CCDC7: variants seen among roughly 807,000 people sequenced by gnomAD.
CCDC7 encodes coiled-coil domain-containing protein 7.
Under a neutral mutation model 196.9 loss-of-function variants are expected in CCDC7, and 183 were observed. The ratio of observed to expected loss-of-function variants is 0.93; its 90% CI spans 0.82 to 1.05. The LOEUF (loss-of-function observed/expected upper bound fraction) is 1.05, where lower values mean the gene tolerates loss of function less well. Among genes scored for constraint, CCDC7 ranks in the 50% least tolerant of loss-of-function variants. The pLI, the probability that CCDC7 is intolerant of heterozygous loss-of-function variation, is 0.00. For missense variants in CCDC7, 1,540 were observed against 1,482.2 expected (o/e 1.04, Z -0.64); for synonymous variants, 525 against 484.6 (o/e 1.08, Z -1.10).
At chr10:32,455,517 A>G (rs990770056) in intron 2 of CCDC7, among the ~76,000 whole-genome samples, 3 of 152,116 alleles carry the variant, frequency 2.0e-5, no homozygotes, top group African/African-American at 7.2e-5. Context: ...GGATTTTGCC[A>G]TGCTGGCCAG....
intron 9 of CCDC7, among the ~76,000 whole-genome samples, chr10:32,516,420 T>C (rs985278170): frequency 6.6e-6 from 1 of 152,116 alleles, no homozygotes; most frequent in African/African-American, 2.4e-5. Flanking sequence ...CCCAAGTTGC[T>C]GGGACTACAG....
At chr10:32,559,399 A>G (rs1171797079) in intron 13 of CCDC7, among the ~76,000 whole-genome samples, 4 of 152,240 alleles carry the variant, frequency 2.6e-5, no homozygotes, top group Non-Finnish European at 4.4e-5. Context: ...CTGACCCCAG[A>G]GCAGCCTAAC....
chr10:32,490,197 G>C (rs562870725), intron 8 of CCDC7, among the ~76,000 whole-genome samples: 1 of 152,192 alleles, frequency 6.6e-6, no homozygotes, highest in East Asian at 1.9e-4. Context: ...TTACTATCTT[G>C]CTGCAACTTC....
intron 13 of CCDC7, among the ~76,000 whole-genome samples, chr10:32,560,651 T>G (rs1356751558): frequency 6.6e-6 from 1 of 152,214 alleles, no homozygotes; most frequent in Non-Finnish European, 1.5e-5. Context: ...AGGCCTGCCC[T>G]AAAAGAGCTC....
rs1014380619 is a variant in CCDC7 at position 32,785,986 on chromosome 10, C to G, written c.3013+6902C>G. ...ACAAGACATTAAACTTTCAACTCAG[C>G]CTTATTTCTGGGCTCAATGCAAGCC... On this transcript the variant is annotated intron_variant, in intron 29 of 41. Coordinates refer to ENST00000639629, the Ensembl canonical transcript of CCDC7. Among the ~76,000 whole-genome samples the G allele has an allele frequency of 2.2e-4, 33 of 152,238 alleles. No individual in the cohort carries two copies. The East Asian group carries it at 6.4e-3, about 29-fold the overall frequency.
At chr10:32,634,848 T>G (rs1412162708) in intron 19 of CCDC7, among the ~76,000 whole-genome samples, 6 of 152,244 alleles carry the variant, frequency 3.9e-5, no homozygotes, top group Non-Finnish European at 8.8e-5. Flanking sequence ...TACCTTTTGA[T>G]TGGTATTTGC....
chr10:32,790,574 A>C (rs1257166812), intron 29 of CCDC7, among the ~76,000 whole-genome samples: 2 of 151,932 alleles, frequency 1.3e-5, no homozygotes, highest in African/African-American at 4.8e-5. Context: ...ACTCTGGGTT[A>C]CCTCCTCTCT....
At chr10:32,710,771 G>T (rs2080690576) in intron 24 of CCDC7, among the ~76,000 whole-genome samples, 1 of 152,178 alleles carries the variant, frequency 6.6e-6, no homozygotes, top group Non-Finnish European at 1.5e-5. Context: ...AAGGCATTGT[G>T]CTTAATTGAC....
At chr10:32,479,992 G>A (rs867230026) in intron 8 of CCDC7, among the ~76,000 whole-genome samples, 2 of 151,946 alleles carry the variant, frequency 1.3e-5, no homozygotes, top group Non-Finnish European at 1.5e-5. Context: ...ATTTGTGGGT[G>A]TATAAATGTT....
intron 31 of CCDC7, among the ~76,000 whole-genome samples, chr10:32,818,926 A>G (rs543507803): frequency 1.3e-5 from 2 of 152,322 alleles, no homozygotes; most frequent in African/African-American, 2.4e-5. Context: ...GAGCAAACAC[A>G]TTGAAAAGCT....
intron 28 of CCDC7, among the ~76,000 whole-genome samples, chr10:32,752,757 C>A (rs964107886): frequency 3.3e-5 from 5 of 151,894 alleles, no homozygotes; most frequent in African/African-American, 1.2e-4. Context: ...ATATCTGTAC[C>A]CATAAGATTT....
At position 32,722,913 on chromosome 10, in the gene CCDC7, G is replaced by A. The variant is rs145039044; in HGVS notation, c.2570-3821G>A. Reference sequence around the variant, plus strand: ...ACTTTTACCTTGTTATATGACCACCGTTCTTCATAGGCACATAGGGACCTT... The same window carrying A: ...ACTTTTACCTTGTTATATGACCACCATTCTTCATAGGCACATAGGGACCTT... On this transcript the variant is annotated intron_variant, in intron 25 of 41. Coordinates refer to ENST00000639629, the Ensembl canonical transcript of CCDC7. Among the ~76,000 whole-genome samples the A allele has an allele frequency of 8.8e-3, 1,341 of 152,152 alleles. 15 individuals carry two copies. The highest frequency in any genetic ancestry group is 0.029 in the African/African-American group (1,220 of 41,504).
chr10:32,756,824 A>G (rs534735915), intron 28 of CCDC7, among the ~76,000 whole-genome samples: 2 of 152,218 alleles, frequency 1.3e-5, no homozygotes, highest in Non-Finnish European at 2.9e-5. Context: ...GATAGAGTCA[A>G]GATCCATCAG....
chr10:32,668,470 A>C (rs1178761408), intron 21 of CCDC7, among the ~76,000 whole-genome samples: 1 of 151,954 alleles, frequency 6.6e-6, no homozygotes, highest in Non-Finnish European at 1.5e-5. Context: ...GAATGCTTCC[A>C]GTTTTTGCCC....
chr10:32,875,288 T>C (rs1359395700), intron 41 of CCDC7, among the ~76,000 whole-genome samples: 1 of 152,072 alleles, frequency 6.6e-6, no homozygotes, highest in Non-Finnish European at 1.5e-5. Flanking sequence ...AAGTCTTTAA[T>C]CCATCTTGAG....
intron 18 of CCDC7, among the ~76,000 whole-genome samples, chr10:32,584,752 CAAAAAAAAAAA>C (rs749922864): frequency 1.8e-5 from 1 of 56,334 alleles, no homozygotes; most frequent in South Asian, 9.1e-4. Context: ...CACTTCATCT[CAAAAAAAAAAA>C]AAAAAAAAAA....
intron 25 of CCDC7, among the ~76,000 whole-genome samples, chr10:32,719,517 G>A (rs2082092884): frequency 6.6e-6 from 1 of 152,086 alleles, no homozygotes; most frequent in Admixed American, 6.5e-5. Context: ...AGCCAAAATT[G>A]ACAAATGAGA....
At chr10:32,802,182 T>G (rs1034928992) in intron 29 of CCDC7, among the ~76,000 whole-genome samples, 1 of 152,180 alleles carries the variant, frequency 6.6e-6, no homozygotes, top group Middle Eastern at 3.2e-3. Flanking sequence ...GGAGATAGAA[T>G]CCCTGACTTC....
At chr10:32,787,923 C>T (rs544579320) in intron 29 of CCDC7, among the ~76,000 whole-genome samples, 95 of 152,274 alleles carry the variant, frequency 6.2e-4, no homozygotes, top group Non-Finnish European at 1.1e-3. Context: ...ATGGAGCCTT[C>T]AGGCCCATTC....
Sources: allele counts gnomAD v4.1 joint callset (sites outside exome capture counted in the v4.1 genomes callset), GRCh38; gene constraint gnomAD v4.1.1; transcripts MANE v1.5; gene names NCBI Gene and HGNC (gene_info 2026-07-23, HGNC 2026-07-21).